ELOVL5: variants seen among roughly 807,000 people sequenced by gnomAD.
ELOVL5 encodes the protein very long chain fatty acid elongase 5.
A neutral mutation model predicts 38.6 loss-of-function variants in ELOVL5; 8 were observed. The observed-to-expected ratio is 0.21, with a 90% CI of 0.12 to 0.37. The LOEUF (loss-of-function observed/expected upper bound fraction) is 0.37, where lower values mean the gene tolerates loss of function less well. ELOVL5 is among the 10% of genes least tolerant of loss of function. The probability of loss-of-function intolerance (pLI) is 1.00; values close to 1 mark genes in which losing one functional copy is unlikely to be tolerated. For synonymous variants in ELOVL5, 127 were observed against 133.7 expected (o/e 0.95, Z 0.34); for missense variants, 280 against 367.8 (o/e 0.76, Z 1.95).
intron 1 of ELOVL5, 45 bp downstream of exon 1, chr6:53,348,772 C>G (rs1382387864): frequency 1.5e-5 from 7 of 452,908 alleles, no homozygotes; most frequent in South Asian, 1.1e-4. Context: ...GTGTCATGGC[C>G]GAGCGGCGGC....
At chr6:53,287,820 T>G (rs1399228992) in intron 3 of ELOVL5, 8 of 1,503,880 alleles carry the variant, frequency 5.3e-6, no homozygotes, top group Non-Finnish European at 7.2e-6. Flanking sequence ...CAACACAGTG[T>G]TCCTGGGGAA....
chr6:53,305,357 G>C (rs1648709117), intron 1 of ELOVL5, among the ~76,000 whole-genome samples: 1 of 121,826 alleles, frequency 8.2e-6, no homozygotes, highest in Non-Finnish European at 1.7e-5. Context: ...TCCCGGACGG[G>C]GCGGCTGGCC....
chr6:53,272,690 C>G (rs1765968323), intron 6 of ELOVL5, among the ~76,000 whole-genome samples: 2 of 152,118 alleles, frequency 1.3e-5, no homozygotes, highest in African/African-American at 4.8e-5. Context: ...GGCAGTAAAC[C>G]AGGGGAGGAG....
At chr6:53,297,394 T>C (rs576316012) in intron 1 of ELOVL5, among the ~76,000 whole-genome samples, 1 of 152,190 alleles carries the variant, frequency 6.6e-6, no homozygotes, top group Admixed American at 6.5e-5. Context: ...AAACAATTCA[T>C]AAGTTGTAGA....
chr6:53,303,896 T>G (rs1159271820), intron 1 of ELOVL5, among the ~76,000 whole-genome samples: 2 of 152,232 alleles, frequency 1.3e-5, no homozygotes, highest in Admixed American at 6.5e-5. Context: ...TGGTCCTTCC[T>G]CCCTGTCCTC....
At chr6:53,298,016 G>C (rs1248698796) in intron 1 of ELOVL5, among the ~76,000 whole-genome samples, 1 of 152,196 alleles carries the variant, frequency 6.6e-6, no homozygotes, top group Non-Finnish European at 1.5e-5. Flanking sequence ...GGTGGGTTCA[G>C]GAAGAGCACT....
intron 1 of ELOVL5, among the ~76,000 whole-genome samples, chr6:53,330,087 CAT>C (rs1209401098): frequency 4.6e-5 from 7 of 152,142 alleles, no homozygotes; most frequent in Non-Finnish European, 1.0e-4. Flanking sequence ...ATGAGAACAT[CAT>C]AGAGTGTATT....
intron 1 of ELOVL5, among the ~76,000 whole-genome samples, chr6:53,323,574 AGC>A: frequency 9.2e-6 from 1 of 108,816 alleles, no homozygotes; most frequent in Non-Finnish European, 1.7e-5. Flanking sequence ...AATACTAGCC[AGC>A]TTTTTTTTTT....
At chr6:53,286,900 C>T (rs1356859924) in intron 3 of ELOVL5, among the ~76,000 whole-genome samples, 1 of 152,056 alleles carries the variant, frequency 6.6e-6, no homozygotes, top group Non-Finnish European at 1.5e-5. Context: ...AAAAACTGTA[C>T]AAATTTCCGA....
chr6:53,300,760 C>G (rs1309745695), intron 1 of ELOVL5, among the ~76,000 whole-genome samples: 3 of 152,154 alleles, frequency 2.0e-5, no homozygotes, highest in Non-Finnish European at 4.4e-5. Flanking sequence ...AGGCCTTGCT[C>G]AGCAGTAGAC....
chr6:53,276,512 C>T (rs1184259109), intron 3 of ELOVL5, among the ~76,000 whole-genome samples: 1 of 152,198 alleles, frequency 6.6e-6, no homozygotes, highest in East Asian at 1.9e-4. Flanking sequence ...CACGCTGCTT[C>T]TCTGCAGAAC....
In ELOVL5 at chr6:53,268,477, A is replaced by C. The variant is rs1765813969; in HGVS notation, c.*650T>G. The C allele has an allele frequency of 6.6e-6, 1 of 152,544 alleles. No individual in the cohort carries two copies. The highest frequency in any genetic ancestry group is 1.5e-5 in the Non-Finnish European group (1 of 68,040). The allele number at this position is 152,544 out of a possible 1,614,324, so 9.4% of individuals were successfully genotyped here. ...AAATAAAAAAATAAGATCTGTTAAA[A>C]AGTTAAACTGACTGTTCCACTAGAT... On this transcript the variant is annotated 3_prime_UTR_variant, in exon 8 of 8. Transcript: ENST00000304434.
chr6:53,288,934 C>T (rs893221636), intron 3 of ELOVL5, among the ~76,000 whole-genome samples: 1 of 152,122 alleles, frequency 6.6e-6, no homozygotes, highest in African/African-American at 2.4e-5. Flanking sequence ...GACGTGGTGG[C>T]ATGCTCCTGT....
intron 1 of ELOVL5, among the ~76,000 whole-genome samples, chr6:53,329,544 T>C (rs1768696210): frequency 6.6e-6 from 1 of 152,298 alleles, no homozygotes; most frequent in East Asian, 1.9e-4. Flanking sequence ...ACTATGTCGG[T>C]CAGGTGCAGT....
intron 1 of ELOVL5, among the ~76,000 whole-genome samples, chr6:53,333,197 G>A (rs192247455): frequency 6.6e-6 from 1 of 152,318 alleles, no homozygotes; most frequent in African/African-American, 2.4e-5. Context: ...TATAAAGGTG[G>A]ATTACATATC....
At chr6:53,317,900 T>C (rs868352612) in intron 1 of ELOVL5, among the ~76,000 whole-genome samples, 50 of 152,100 alleles carry the variant, frequency 3.3e-4, no homozygotes, top group African/African-American at 9.9e-4. Flanking sequence ...GATGGATTTT[T>C]CCCCCTTATT....
chr6:53,284,276 A>G (rs1420370398), intron 3 of ELOVL5, among the ~76,000 whole-genome samples: 1 of 151,150 alleles, frequency 6.6e-6, no homozygotes. Flanking sequence ...ACTGCACTTC[A>G]GCCTGGGCAA....
In ELOVL5 at chr6:53,269,185, G is replaced by A. The variant is rs767300070; in HGVS notation, c.842C>T (p.Thr281Ile). The change falls in exon 8 of 8, where the codon ACC (threonine) becomes ATC (isoleucine). Residue 281 changes from threonine (T) to isoleucine (I), a missense_variant. Coordinates refer to ENST00000304434, the MANE Select transcript of ELOVL5 (RefSeq NM_021814.5). The part of the protein sequence containing the change: ...NGSMAAVNGH[T>I]NSFSPLENNV... The stretch of plus-strand genomic sequence containing the variant: ...GTTTTCCAGGGGTGAAAAGCTGTTG[G>A]TGTGTCCATTCACAGCAGCCATGGA... The A allele has an allele frequency of 1.5e-5, 24 of 1,613,992 alleles. No homozygotes were observed. Among genetic ancestry groups the A allele is most frequent in the Non-Finnish European group, 1.8e-5 (21 of 1,179,910 alleles).
intron 1 of ELOVL5, among the ~76,000 whole-genome samples, chr6:53,312,955 A>G (rs1767902919): frequency 6.6e-6 from 1 of 152,176 alleles, no homozygotes; most frequent in African/African-American, 2.4e-5. Flanking sequence ...TCAAATACTC[A>G]TTTTCACAGT....
Sources: gnomAD v4.1 joint callset for allele counts (sites outside exome capture counted in the v4.1 genomes callset) on GRCh38, gnomAD v4.1.1 for gene constraint, MANE v1.5 for transcripts, NCBI Gene and HGNC (gene_info 2026-07-23, HGNC 2026-07-21) for gene names.